GNS: variants seen among roughly 807,000 people sequenced by gnomAD.
GNS encodes the protein N-acetylglucosamine-6-sulfatase.
A neutral mutation model predicts 69.7 loss-of-function variants in GNS; 40 were observed. The observed-to-expected ratio is 0.57, with a 90% CI of 0.45 to 0.75. The LOEUF (loss-of-function observed/expected upper bound fraction) is 0.75. Ranked by LOEUF, GNS falls within the 30% of genes least tolerant of loss-of-function variation. The pLI is 0.00. For synonymous variants in GNS, 243 were observed against 251.6 expected (o/e 0.97, Z 0.32); for missense variants, 565 against 685.5 (o/e 0.82, Z 1.96).
chr12:64,755,547 C>T (rs1021977489), intron 1 of GNS, among the ~76,000 whole-genome samples: 5 of 146,302 alleles, frequency 3.4e-5, no homozygotes, highest in African/African-American at 1.3e-4. Flanking sequence ...CACTGCACTC[C>T]AGCCTGGGTG....
chr12:64,738,012 CT>C (rs60901845), intron 8 of GNS, among the ~76,000 whole-genome samples: 459 of 143,522 alleles, frequency 3.2e-3, no homozygotes, highest in Admixed American at 2.7e-3. Context: ...TTGCCTGCAT[CT>C]TTTTTTTTTT....
intron 2 of GNS, among the ~76,000 whole-genome samples, chr12:64,749,248 CTTTTTTTTTTTTT>C (rs759239939): frequency 1.5e-5 from 1 of 65,054 alleles, no homozygotes; most frequent in South Asian, 5.3e-4. Flanking sequence ...CTTGATTTGG[CTTTTTTTTTTTTT>C]TTTTTTTTTG....
rs766044815 is a variant in GNS at position 64,743,235 on chromosome 12, G to A, written c.698C>T (p.Ala233Val). 15 of 1,611,704 alleles carry A rather than the reference G, an allele frequency of 9.3e-6. No homozygotes were observed. The highest frequency in any genetic ancestry group is 3.3e-5 in the South Asian group (3 of 91,026). The change falls in exon 6 of 14, where the codon GCG becomes GTG. Residue 233 changes from alanine (A) to valine (V), a missense_variant. Transcript: ENST00000258145. ...EPFFMMIATP[A>V]PHSPWTAAPQ... The stretch of plus-strand genomic sequence containing the variant: ...TGCAGCTGTCCAAGGCGAATGAGGC[G>A]CTGGAGTGGCGATCATCATGAAGAA...
intron 1 of GNS, 27 bp downstream of exon 1, chr12:64,759,058 G>C (rs576200965): frequency 6.5e-7 from 1 of 1,534,026 alleles, no homozygotes; most frequent in Non-Finnish European, 8.8e-7. Context: ...AAGAGATAGA[G>C]GGGCGGGGCA....
chr12:64,733,883 G>T (rs1869480536), intron 9 of GNS, among the ~76,000 whole-genome samples: 1 of 151,014 alleles, frequency 6.6e-6, no homozygotes, highest in Admixed American at 6.6e-5. Context: ...AGTCAGAGGA[G>T]AAAACGTCAA....
chr12:64,745,841 T>C, intron 3 of GNS, 117 bp from the exon 4 acceptor site: 2 of 729,832 alleles, frequency 2.7e-6, no homozygotes, highest in Non-Finnish European at 2.5e-6. Flanking sequence ...AGGTACCTAA[T>C]TTCCCCAAAT....
At position 64,716,662 on chromosome 12, in the gene GNS, C is replaced by T; in HGVS notation, c.*79G>A. 1 of 973,358 alleles carries T rather than the reference C, an allele frequency of 1.0e-6. No individual in the cohort carries two copies. Among genetic ancestry groups the T allele is most frequent in the Non-Finnish European group, 1.7e-6 (1 of 602,158 alleles). 60.3% of individuals were successfully genotyped at this position (973,358 alleles called of 1,614,324 possible). A position where few individuals can be genotyped will look rare whatever the true frequency, so the allele number is the denominator to read the frequency against. On this transcript the variant is annotated 3_prime_UTR_variant, in exon 14 of 14. Transcript: ENST00000258145. ...ACTCTTCCAGGTGTGGTCTTGAAGACTAGCTACAGACACCTACTACAATCA... is the reference window on the plus strand; with the variant it reads ...ACTCTTCCAGGTGTGGTCTTGAAGATTAGCTACAGACACCTACTACAATCA...
chr12:64,757,936 C>T (rs1027788967), intron 1 of GNS, among the ~76,000 whole-genome samples: 2 of 152,142 alleles, frequency 1.3e-5, no homozygotes, highest in Admixed American at 6.5e-5. Flanking sequence ...AAAAAGAGAA[C>T]TGAAACGAAG....
chr12:64,749,204 G>T (rs1038309036), intron 2 of GNS, among the ~76,000 whole-genome samples: 1 of 147,324 alleles, frequency 6.8e-6, no homozygotes, highest in African/African-American at 2.5e-5. Context: ...CTCCCAAAGT[G>T]CTGGGATTAC....
rs887642392 is a variant in GNS at position 64,759,386 on chromosome 12, G to A, written c.-110C>T. ...AAGGAATAAAAAGCCGTGCCTTGAA[G>A]GCCGGTGGCTGGAGTCAGACGTTTT... is the stretch of plus-strand genomic sequence containing the variant. On this transcript the variant is annotated 5_prime_UTR_variant, in exon 1 of 14. Coordinates refer to ENST00000258145, the MANE Select transcript of GNS (RefSeq NM_002076.4). 1.2e-5 allele frequency: 9 copies of A among 734,250 alleles called. No homozygotes were observed. Among genetic ancestry groups the A allele is most frequent in the Middle Eastern group, 3.9e-4 (1 of 2,578 alleles). The allele number at this position is 734,250 out of a possible 1,614,324, so 45.5% of individuals were successfully genotyped here.
chr12:64,752,865 G>T, intron 1 of GNS, 108 bp from the exon 2 acceptor site: 2 of 721,838 alleles, frequency 2.8e-6, no homozygotes, highest in Non-Finnish European at 2.5e-6. Flanking sequence ...ATTCCCAAAT[G>T]GTCAGCTCTA....
At chr12:64,756,649 G>T in intron 1 of GNS, 1 of 852,586 alleles carries the variant, frequency 1.2e-6, no homozygotes, top group Non-Finnish European at 1.9e-6. Flanking sequence ...TGAAGCACAA[G>T]TATAAAAATC....
chr12:64,729,851 ACCT>A (rs1224202737), intron 9 of GNS, among the ~76,000 whole-genome samples: 1 of 152,230 alleles, frequency 6.6e-6, no homozygotes, highest in Non-Finnish European at 1.5e-5. Context: ...ATATATTTTA[ACCT>A]CCTATAAAAA....
At chr12:64,740,925 T>C (rs1223047778) in intron 6 of GNS, among the ~76,000 whole-genome samples, 1 of 152,134 alleles carries the variant, frequency 6.6e-6, no homozygotes, top group Admixed American at 6.5e-5. Context: ...TCCCAAACCA[T>C]AAAAGGTCTT....
intron 2 of GNS, among the ~76,000 whole-genome samples, chr12:64,752,157 G>A (rs1480597065): frequency 6.6e-6 from 1 of 152,082 alleles, no homozygotes; most frequent in Non-Finnish European, 1.5e-5. Context: ...GGGTGTTCCA[G>A]ACTAGGCAGT....
intron 2 of GNS, among the ~76,000 whole-genome samples, chr12:64,749,338 C>T (rs1371024561): frequency 6.8e-5 from 10 of 148,000 alleles, no homozygotes; most frequent in South Asian, 2.2e-4. Context: ...CTGCAAGCTC[C>T]GCCTCCTGGG....
intron 5 of GNS, 70 bp from the exon 6 acceptor site, chr12:64,743,378 C>T (rs1356999289): frequency 8.9e-7 from 1 of 1,118,918 alleles, no homozygotes; most frequent in African/African-American, 1.5e-5. Context: ...TAAATGTCTT[C>T]TGGTGAGCAG....
At chr12:64,742,827 C>CA (rs1468181446) in intron 6 of GNS, among the ~76,000 whole-genome samples, 1 of 152,142 alleles carries the variant, frequency 6.6e-6, no homozygotes, top group Non-Finnish European at 1.5e-5. Context: ...TGGTGCAGTC[C>CA]CGGCTATGCC....
chr12:64,717,563 A>G (rs149276819), intron 13 of GNS, among the ~76,000 whole-genome samples: 254 of 134,712 alleles, frequency 1.9e-3, no homozygotes, highest in East Asian at 0.01. Flanking sequence ...GAGTTTCACC[A>G]TGTTGCCCAG....
Sources: allele counts gnomAD v4.1 joint callset (sites outside exome capture counted in the v4.1 genomes callset), GRCh38; gene constraint gnomAD v4.1.1; transcripts MANE v1.5; gene names NCBI Gene and HGNC (gene_info 2026-07-23, HGNC 2026-07-21).